Variants in DNAJC2 observed in about 807,000 individuals in gnomAD.
The protein encoded by DNAJC2 is dnaJ homolog subfamily C member 2.
Under a neutral mutation model 94.0 loss-of-function variants are expected in DNAJC2, and 32 were observed. The observed-to-expected ratio is 0.34, with a 90% CI of 0.26 to 0.46. The LOEUF (loss-of-function observed/expected upper bound fraction) is 0.46. DNAJC2 is among the 20% of genes least tolerant of loss of function. The pLI is 1.00. For missense variants in DNAJC2, 550 were observed against 719.5 expected, an observed-to-expected ratio of 0.76 and a Z score of 2.69; for synonymous variants, 210 against 229.7, an observed-to-expected ratio of 0.91 and a Z score of 0.77.
At chr7:103,338,309 T>G (rs925459705) in intron 2 of DNAJC2, among the ~76,000 whole-genome samples, 1 of 150,966 alleles carries the variant, frequency 6.6e-6, no homozygotes, top group Non-Finnish European at 1.5e-5. Flanking sequence ...TTTATTTTAT[T>G]TTTTTGAGAC....
At chr7:103,322,191 CAT>C (rs1316528035) in intron 9 of DNAJC2, 110 bp from the exon 10 acceptor site, 4 of 834,848 alleles carry the variant, frequency 4.8e-6, no homozygotes, top group Non-Finnish European at 5.1e-6. Flanking sequence ...AAAAAGGCAA[CAT>C]AAACTTATTG....
intron 3 of DNAJC2, chr7:103,335,541 T>TC (rs1563472188): frequency 6.6e-6 from 1 of 150,448 alleles, no homozygotes; most frequent in Non-Finnish European, 1.5e-5. Flanking sequence ...TTTCTTTCTT[T>TC]TTTTTTTTTT....
chr7:103,324,447 A>G lies in DNAJC2; in HGVS notation c.653+35T>C, dbSNP rs571657490. 23 of 1,431,612 alleles carry G rather than the reference A, an allele frequency of 1.6e-5. No individual in the cohort carries two copies. In the African/African-American group the frequency reaches 3.0e-4, roughly 18 times the overall value. The allele number at this position is 1,431,612 out of a possible 1,614,324, so 88.7% of individuals were successfully genotyped here. A position where few individuals can be genotyped will look rare whatever the true frequency, so the allele number is the denominator to read the frequency against. ...TTATTGAATACTTTTCCTTTTAAAAAATGACAGCATCATACAAACAGTATA... is the reference window on the plus strand; with the variant it reads ...TTATTGAATACTTTTCCTTTTAAAAGATGACAGCATCATACAAACAGTATA... On this transcript the variant is annotated intron_variant, in intron 6 of 16. Coordinates refer to ENST00000379263, the MANE Select transcript of DNAJC2 (RefSeq NM_014377.3).
intron 15 of DNAJC2, among the ~76,000 whole-genome samples, chr7:103,315,096 G>A (rs1586061538): frequency 6.6e-6 from 1 of 151,846 alleles, no homozygotes; most frequent in South Asian, 2.1e-4. Flanking sequence ...ACCCAGTGAT[G>A]GGTCATGATT....
At chr7:103,319,136 T>TCAAAAA (rs554198410) in intron 12 of DNAJC2, among the ~76,000 whole-genome samples, 1 of 151,736 alleles carries the variant, frequency 6.6e-6, no homozygotes, top group Non-Finnish European at 1.5e-5. Flanking sequence ...AGACTCCATC[T>TCAAAAA]CAAAAACAAA....
chr7:103,342,205 T>C (rs1435049735), intron 1 of DNAJC2, among the ~76,000 whole-genome samples: 2 of 152,156 alleles, frequency 1.3e-5, no homozygotes, highest in African/African-American at 4.8e-5. Context: ...AACTCAGTAA[T>C]GTCAATGATA....
intron 3 of DNAJC2, chr7:103,336,994 C>G (rs193107658): frequency 6.6e-6 from 1 of 152,222 alleles, no homozygotes; most frequent in Non-Finnish European, 1.5e-5. Context: ...ACTCCCTGCT[C>G]CTTTTCCATG....
chr7:103,321,746 G>A (rs1818429375), intron 10 of DNAJC2, among the ~76,000 whole-genome samples, 186 bp downstream of exon 10: 1 of 152,222 alleles, frequency 6.6e-6, no homozygotes, highest in South Asian at 2.1e-4. Context: ...CTACTCGGGA[G>A]GCTGAGGCAG....
intron 15 of DNAJC2, among the ~76,000 whole-genome samples, chr7:103,315,421 C>T (rs937946151): frequency 2.6e-5 from 4 of 152,214 alleles, no homozygotes; most frequent in African/African-American, 9.6e-5. Context: ...AACATAAGGA[C>T]ATTTTCTTAT....
At chr7:103,315,274 T>TG (rs1455351242) in intron 15 of DNAJC2, among the ~76,000 whole-genome samples, 3 of 152,108 alleles carry the variant, frequency 2.0e-5, no homozygotes, top group African/African-American at 7.2e-5. Context: ...AATCCCTGTA[T>TG]ACTCTGCCTA....
chr7:103,323,552 G>C (rs1174837858), intron 7 of DNAJC2, 46 bp downstream of exon 7: 1 of 1,408,734 alleles, frequency 7.1e-7, no homozygotes, highest in South Asian at 1.4e-5. Flanking sequence ...ACAAATACCA[G>C]AGAACCAAAT....
Position 103,312,660 on chromosome 7 carries a change from GTGTGA to G in DNAJC2, c.1792-22_1792-18del. ...GACAAGTTCCTAGGAAGGGAGAAAG[GTGTGA>G]TTTAAGAAGTTGCGATTTAAAAACA... On this transcript the variant is annotated intron_variant, in intron 16 of 16. Transcript: ENST00000379263. 6.2e-7 allele frequency: 1 copy of G among 1,608,668 alleles called. No homozygotes were observed. Among genetic ancestry groups the G allele is most frequent in the Non-Finnish European group, 8.5e-7 (1 of 1,178,682 alleles).
At chr7:103,318,642 A>G (rs1818206556) in intron 12 of DNAJC2, among the ~76,000 whole-genome samples, 1 of 152,214 alleles carries the variant, frequency 6.6e-6, no homozygotes, top group South Asian at 2.1e-4. Flanking sequence ...GCATAGTGCT[A>G]TATATAGTAG....
chr7:103,339,988 G>A (rs574588650), intron 2 of DNAJC2, among the ~76,000 whole-genome samples: 117 of 152,224 alleles, frequency 7.7e-4, no homozygotes, highest in African/African-American at 2.6e-3. Flanking sequence ...ACAGGCATGT[G>A]CCACCACGCC....
At chr7:103,322,483 A>T (rs1818475371) in intron 9 of DNAJC2, 28 bp downstream of exon 9, 1 of 1,416,420 alleles carries the variant, frequency 7.1e-7, no homozygotes, top group African/African-American at 1.5e-5. Context: ...AAACATTTAA[A>T]GTCCACCTTC....
At chr7:103,328,974 G>A (rs1367750082) in intron 3 of DNAJC2, 1 of 1,274,740 alleles carries the variant, frequency 7.8e-7, no homozygotes, top group East Asian at 5.7e-5. Context: ...AATGGAACAA[G>A]TTATTTTCCA....
At position 103,342,112 on chromosome 7, in the gene DNAJC2, A is replaced by G. The variant is rs927801168; in HGVS notation, c.65-158T>C. On this transcript the variant is annotated intron_variant, in intron 1 of 16. Coordinates refer to ENST00000379263, the MANE Select transcript of DNAJC2 (RefSeq NM_014377.3). ...AAATAATTGCAGTCATCCAGTTTAC[A>G]TGAGGGTTAGCAAGAAATTATCCTT... Among the ~76,000 whole-genome samples the G allele has an allele frequency of 4.6e-5, 7 of 152,216 alleles. No individual in the cohort carries two copies. The South Asian group carries it at 8.3e-4, about 18-fold the overall frequency.
At position 103,324,748 on chromosome 7, in the gene DNAJC2, G is replaced by A. The variant is rs79801134; in HGVS notation, c.573-186C>T. On this transcript the variant is annotated intron_variant, in intron 5 of 16. Coordinates refer to ENST00000379263, the MANE Select transcript of DNAJC2 (RefSeq NM_014377.3). ...GGGGCATGAAACAATGCAGGTGTGCGAAAAGTGAGGCCAAAGATAGACTGG... is the reference window on the plus strand; with the variant it reads ...GGGGCATGAAACAATGCAGGTGTGCAAAAAGTGAGGCCAAAGATAGACTGG... 1.6e-3 allele frequency: 695 copies of A among 427,594 alleles called. 5 individuals carry two copies. The highest frequency in any genetic ancestry group is 0.013 in the African/African-American group (644 of 48,426). The allele number at this position is 427,594 out of a possible 1,614,324, so 26.5% of individuals were successfully genotyped here. A position where few individuals can be genotyped will look rare whatever the true frequency, so the allele number is the denominator to read the frequency against.
intron 12 of DNAJC2, among the ~76,000 whole-genome samples, chr7:103,319,100 C>T (rs776666532): frequency 1.3e-5 from 2 of 151,952 alleles, no homozygotes; most frequent in South Asian, 2.1e-4. Flanking sequence ...TAATCCCACC[C>T]GCACTCCAGC....
Sources: gnomAD v4.1 joint callset for allele counts (sites outside exome capture counted in the v4.1 genomes callset) on GRCh38, gnomAD v4.1.1 for gene constraint, MANE v1.5 for transcripts, NCBI Gene and HGNC (gene_info 2026-07-23, HGNC 2026-07-21) for gene names.